ODF2L: variants seen among roughly 807,000 people sequenced by gnomAD.
The protein encoded by ODF2L is outer dense fiber of sperm tails 2 like, also known as protein BCAP.
In ODF2L, 76 loss-of-function variants were observed where a neutral mutation model predicts 86.3. The ratio of observed to expected loss-of-function variants is 0.88; its 90% CI spans 0.73 to 1.07. The LOEUF (loss-of-function observed/expected upper bound fraction) is 1.07. Among genes scored for constraint, ODF2L ranks in the 50% least tolerant of loss-of-function variants. The pLI is 0.00. For synonymous variants in ODF2L, 241 were observed against 231.3 expected (o/e 1.04, Z -0.38); for missense variants, 748 against 717.4 (o/e 1.04, Z -0.49).
intron 14 of ODF2L, chr1:86,355,207 C>A: frequency 1.6e-6 from 1 of 617,566 alleles, no homozygotes; most frequent in South Asian, 2.4e-5. Context: ...TTTTTGGATA[C>A]CTAGGGTTTC....
intron 7 of ODF2L, among the ~76,000 whole-genome samples, chr1:86,378,258 A>G (rs1660312558): frequency 6.6e-6 from 1 of 152,100 alleles, no homozygotes; most frequent in Non-Finnish European, 1.5e-5. Flanking sequence ...GAAGTTCCTC[A>G]TCTCTATCTG....
At chr1:86,388,577 T>A (rs1661101828) in intron 1 of ODF2L, among the ~76,000 whole-genome samples, 1 of 152,000 alleles carries the variant, frequency 6.6e-6, no homozygotes, top group African/African-American at 2.4e-5. Flanking sequence ...GACTGCCTTT[T>A]TTTTTAAATT....
chr1:86,375,795 A>G (rs2101095229), intron 8 of ODF2L, among the ~76,000 whole-genome samples: 1 of 152,352 alleles, frequency 6.6e-6, no homozygotes, highest in South Asian at 2.1e-4. Flanking sequence ...TGCTTTGTGC[A>G]TAAAAGACTA....
intron 11 of ODF2L, among the ~76,000 whole-genome samples, chr1:86,365,589 A>T (rs1052171277): frequency 6.6e-6 from 1 of 152,238 alleles, no homozygotes; most frequent in Non-Finnish European, 1.5e-5. Context: ...AACTAAACAC[A>T]TTGTAAAATC....
chr1:86,358,837 G>T, exon 13 of ODF2L: 1 of 1,547,004 alleles, frequency 6.5e-7, no homozygotes, highest in Non-Finnish European at 8.7e-7. Flanking sequence ...TTTTTATGTA[G>T]CAAATTTTCA....
At chr1:86,368,728 G>T in intron 10 of ODF2L, 1 of 1,421,432 alleles carries the variant, frequency 7.0e-7, no homozygotes, top group South Asian at 1.6e-5. Context: ...CTAAGCTAAA[G>T]ACAATACAAC....
Position 86,379,916 on chromosome 1 carries a change from C to T in ODF2L, c.624+2326G>A, listed in dbSNP as rs12029568. 0.011 allele frequency among the ~76,000 whole-genome samples: 1,725 copies of T among 152,126 alleles called. 70 individuals carry two copies. The East Asian group carries it at 0.12, about 11-fold the overall frequency. ...TACCTCTTGGTGACATGATGAGAGA[C>T]GGAATATTAGGCTGGGTAGATGAGG... On this transcript the variant is annotated intron_variant, in intron 7 of 17. Transcript: ENST00000317336.
intron 7 of ODF2L, among the ~76,000 whole-genome samples, chr1:86,379,027 T>G (rs971275681): frequency 6.7e-6 from 1 of 149,292 alleles, no homozygotes; most frequent in African/African-American, 2.5e-5. Flanking sequence ...GAAATCAGGT[T>G]GTTTAAAAGT....
At chr1:86,373,014 G>C (rs1390638057) in intron 8 of ODF2L, among the ~76,000 whole-genome samples, 2 of 152,152 alleles carry the variant, frequency 1.3e-5, no homozygotes, top group African/African-American at 4.8e-5. Context: ...ATTGGCTACA[G>C]TGTACAGTGC....
chr1:86,350,869 A>G (rs1263639832), exon 18 of ODF2L: 1 of 151,852 alleles, frequency 6.6e-6, no homozygotes, highest in African/African-American at 2.4e-5. Flanking sequence ...GCTTTTTTTC[A>G]TATGTTTTTT....
rs766124890 is a variant in ODF2L, at chr1:86,371,086, T to A, written c.988A>T (p.Ile330Phe). 3.2e-6 allele frequency: 5 copies of A among 1,559,618 alleles called. No individual in the cohort carries two copies. The Admixed American group carries it at 8.9e-5, about 28-fold the overall frequency. ...TCAATTGAGTGAACTTTTCTAAGAA[T>A]TTCTTCACATGAATTTTTTCCATGG... Residue 330 changes from isoleucine (I) to phenylalanine (F), a missense_variant, in exon 10 of 18, where the codon ATT (isoleucine) becomes TTT (phenylalanine). Coordinates refer to ENST00000317336, the Ensembl canonical transcript of ODF2L.
intron 4 of ODF2L, among the ~76,000 whole-genome samples, chr1:86,384,342 T>G (rs985436164): frequency 6.6e-6 from 1 of 151,804 alleles, no homozygotes; most frequent in Admixed American, 6.6e-5. Context: ...GTGAATTCTA[T>G]TTCAATAAAG....
intron 1 of ODF2L, among the ~76,000 whole-genome samples, chr1:86,389,066 C>T (rs1268124273): frequency 6.6e-6 from 1 of 151,976 alleles, no homozygotes; most frequent in East Asian, 1.9e-4. Context: ...AATTGTGTAA[C>T]AAAAAATAAG....
intron 11 of ODF2L, among the ~76,000 whole-genome samples, chr1:86,363,630 T>C (rs1174488713): frequency 6.6e-6 from 1 of 152,006 alleles, no homozygotes; most frequent in Non-Finnish European, 1.5e-5. Flanking sequence ...TTATTTACAA[T>C]AGTAAAAAAC....
chr1:86,362,583 G>A (rs1659119144), intron 11 of ODF2L, among the ~76,000 whole-genome samples: 1 of 152,144 alleles, frequency 6.6e-6, no homozygotes, highest in Non-Finnish European at 1.5e-5. Context: ...GAGCCACCGT[G>A]CCCAGGCAGT....
At chr1:86,360,908 A>T (rs1406041202) in intron 11 of ODF2L, 3 of 153,932 alleles carry the variant, frequency 1.9e-5, no homozygotes, top group African/African-American at 7.2e-5. Context: ...GGAAACATGG[A>T]CAACTAAATA....
At chr1:86,369,803 C>A (rs1180324497) in intron 10 of ODF2L, among the ~76,000 whole-genome samples, 1 of 152,026 alleles carries the variant, frequency 6.6e-6, no homozygotes, top group African/African-American at 2.4e-5. Context: ...TCTTTTCAGG[C>A]CACAACATTT....
chr1:86,368,393 A>G (rs1020182412), intron 11 of ODF2L, among the ~76,000 whole-genome samples: 2 of 152,152 alleles, frequency 1.3e-5, no homozygotes, highest in African/African-American at 4.8e-5. Context: ...GGTTAATATA[A>G]TTGACTAAAT....
At chr1:86,351,193 C>T (rs1207038873) in exon 18 of ODF2L, 1 of 152,148 alleles carries the variant, frequency 6.6e-6, no homozygotes, top group Non-Finnish European at 1.5e-5. Context: ...ATGGTATTGC[C>T]TAGGTTTTCC....
Sources: gnomAD v4.1 joint callset for allele counts (sites outside exome capture counted in the v4.1 genomes callset) on GRCh38, gnomAD v4.1.1 for gene constraint, MANE v1.5 for transcripts, NCBI Gene and HGNC (gene_info 2026-07-23, HGNC 2026-07-21) for gene names.